ERCC5: variants seen among roughly 807,000 people sequenced by gnomAD.
The protein encoded by ERCC5 is ERCC excision repair 5, endonuclease.
ERCC5 carries 68 observed loss-of-function variants against 105.6 expected under a neutral mutation model. The ratio of observed to expected loss-of-function variants is 0.64; its 90% CI spans 0.53 to 0.79. The LOEUF (loss-of-function observed/expected upper bound fraction) is 0.79. Ranked by LOEUF, ERCC5 falls within the 30% of genes least tolerant of loss-of-function variation. The probability of loss-of-function intolerance (pLI) is 0.00; values close to 1 mark genes in which losing one functional copy is unlikely to be tolerated. For synonymous variants in ERCC5, 546 were observed against 526.2 expected (o/e 1.04, Z -0.51); for missense variants, 1,373 against 1,426.7 (o/e 0.96, Z 0.61).
intron 5 of ERCC5, among the ~76,000 whole-genome samples, chr13:102,857,066 A>G (rs1244364188): frequency 1.3e-5 from 2 of 152,228 alleles, no homozygotes; most frequent in Admixed American, 6.5e-5. Flanking sequence ...TGCTGTATAT[A>G]TACATTTTTT....
rs188710607 is a variant in ERCC5 at position 102,875,875 on chromosome 13, G to A, written c.3533G>A (p.Arg1178His). 2.1e-5 allele frequency: 34 copies of A among 1,610,680 alleles called. No homozygotes were observed. The East Asian group carries it at 3.3e-4, about 16-fold the overall frequency. The change falls in exon 15 of 15, where the codon CGT becomes CAT. Residue 1178 changes from arginine (R) to histidine (H), a missense_variant. This residue lies in a region of ERCC5 where 367 missense variants were observed against 350.2 expected (regional missense o/e 1.05). Coordinates refer to ENST00000652225, the MANE Select transcript of ERCC5 (RefSeq NM_000123.4). ...GGGAAGAAAAGAAGGAAACTAAGAC[G>A]TGCGAGGGGAAGAAAAAGGAAAACC... ...VFGKKRRKLR[R>H]ARGRKRKT
rs368550097 is a variant in ERCC5 at position 102,875,337 on chromosome 13, T to A, written c.2995T>A (p.Leu999Ile). The A allele has an allele frequency of 6.2e-7, 1 of 1,614,048 alleles. No homozygotes were observed. Among genetic ancestry groups the A allele is most frequent in the Non-Finnish European group, 8.5e-7 (1 of 1,180,012 alleles). ...TQLRIDSFFR[L>I]AQQEKEDAKR... ...GCTCCGAATTGATTCCTTCTTTAGATTAGCACAACAGGAGAAAGAAGATGC... is the reference window on the plus strand; with the variant it reads ...GCTCCGAATTGATTCCTTCTTTAGAATAGCACAACAGGAGAAAGAAGATGC... Residue 999 changes from leucine to isoleucine, a missense_variant, in exon 15 of 15, where the codon TTA becomes ATA. Coordinates refer to ENST00000652225, the MANE Select transcript of ERCC5 (RefSeq NM_000123.4).
chr13:102,852,384 T>C (rs948766531), intron 2 of ERCC5, 91 bp downstream of exon 2: 2 of 1,434,804 alleles, frequency 1.4e-6, no homozygotes, highest in Non-Finnish European at 1.9e-6. Flanking sequence ...GTTTTCTCTT[T>C]AGAATTTTAG....
intron 1 of ERCC5, chr13:102,849,067 A>G: frequency 2.0e-6 from 1 of 491,522 alleles, no homozygotes; most frequent in South Asian, 1.5e-5. Context: ...TAGTGGGCCA[A>G]GTAGAAACTA....
chr13:102,866,024 G>A, intron 9 of ERCC5, 113 bp downstream of exon 9: 1 of 1,593,648 alleles, frequency 6.3e-7, no homozygotes, highest in East Asian at 2.2e-5. Flanking sequence ...AGTACATCTT[G>A]TGGTTGCTGA....
In ERCC5 at chr13:102,862,091, G is replaced by T. The variant is rs1882642138; in HGVS notation, c.942G>T (p.Met314Ile). The change falls in exon 8 of 15, where the codon ATG becomes ATT. Residue 314 changes from methionine to isoleucine, a missense_variant. By Grantham distance (10) the Met-to-Ile change is conservative. Transcript: ENST00000652225. The stretch of plus-strand genomic sequence containing the variant: ...AGTCTCTTCCTTCTTCCAGCAAAAT[G>T]CACGGCATGTCTTTTGACGTGAAGT... ...DSESLPSSSK[M>I]HGMSFDVKSS... 6.2e-7 allele frequency: 1 copy of T among 1,614,054 alleles called. No homozygotes were observed. The highest frequency in any genetic ancestry group is 1.3e-5 in the African/African-American group (1 of 74,918).
Position 102,875,706 on chromosome 13 carries a change from C to T in ERCC5, c.3364C>T (p.Pro1122Ser), listed in dbSNP as rs765714657. Residue 1122 changes from proline (P) to serine (S), a missense_variant, in exon 15 of 15, where the codon CCA (proline) becomes TCA (serine). Pro to Ser is a moderately conservative substitution (Grantham distance 74, BLOSUM62 -1). Transcript: ENST00000652225. The stretch of plus-strand genomic sequence containing the variant: ...ACAAAGGAGAACAGCTGCGAAAGAG[C>T]CAAAAACCAGTGCTTCAGATTCGCA... ...NVQRRTAAKEPKTSASDSQNS... is the reference protein window; with the variant it reads ...NVQRRTAAKESKTSASDSQNS... The T allele has an allele frequency of 2.5e-6, 4 of 1,613,966 alleles. No homozygotes were observed. The East Asian group carries it at 8.9e-5, about 36-fold the overall frequency.
At position 102,853,788 on chromosome 13, in the gene ERCC5, C is replaced by G; in HGVS notation, c.296C>G (p.Ser99Cys). 1.2e-6 allele frequency: 2 copies of G among 1,614,152 alleles called. No individual in the cohort carries two copies. Among genetic ancestry groups the G allele is most frequent in the Non-Finnish European group, 1.7e-6 (2 of 1,180,022 alleles). ...AGAAGGCAGAGAAAGGACTTAGCGT[C>G]CAGTGACTCCAGGAAAACGACAGAG... ...VKRRQRKDLASSDSRKTTEKL... is the reference protein window; with the variant it reads ...VKRRQRKDLACSDSRKTTEKL... Residue 99 changes from serine to cysteine, a missense_variant, in exon 3 of 15, where the codon TCC (serine) becomes TGC (cysteine). Around this residue, in one of 3 missense-constraint regions of ERCC5, gnomAD observed 1,004 missense variants for 1,059.7 expected, o/e 0.95. Coordinates refer to ENST00000652225, the MANE Select transcript of ERCC5 (RefSeq NM_000123.4).
chr13:102,868,979 A>G (rs527823954), intron 12 of ERCC5, among the ~76,000 whole-genome samples: 1 of 152,232 alleles, frequency 6.6e-6, no homozygotes, highest in African/African-American at 2.4e-5. Flanking sequence ...TTTAAAGTGT[A>G]CAGTTCATTG....
At chr13:102,855,873 C>T (rs1882396503) in intron 4 of ERCC5, among the ~76,000 whole-genome samples, 179 bp from the exon 5 acceptor site, 1 of 152,126 alleles carries the variant, frequency 6.6e-6, no homozygotes, top group African/African-American at 2.4e-5. Flanking sequence ...GTTATTAGAT[C>T]CCACTCTAAT....
chr13:102,865,847 G>T lies in ERCC5; in HGVS notation c.2135G>T (p.Gly712Val). The change falls in exon 9 of 15, where the codon GGT becomes GTT. Residue 712 changes from glycine (G) to valine (V), a missense_variant. By Grantham distance (109) the Gly-to-Val change is moderately radical. Transcript: ENST00000652225. The surrounding 1 kb of genome is among the most constrained non-coding windows in gnomAD (Gnocchi z 4.0). ...RDNSERDDVD[G>V]EPQEAEKDAE... ...AACTCTGAGAGGGACGACGTGGATG[G>T]TGAGCCACAGGAAGCTGAGAAAGAT... 6.2e-7 allele frequency: 1 copy of T among 1,614,210 alleles called. No homozygotes were observed. The highest frequency in any genetic ancestry group is 8.5e-7 in the Non-Finnish European group (1 of 1,180,032).
chr13:102,850,429 A>G (rs982354305), intron 1 of ERCC5, among the ~76,000 whole-genome samples: 1 of 152,182 alleles, frequency 6.6e-6, no homozygotes, highest in Non-Finnish European at 1.5e-5. Flanking sequence ...AAAGCCCAGT[A>G]GCAGGAAGTG....
intron 5 of ERCC5, 76 bp downstream of exon 5, chr13:102,856,188 G>T: frequency 6.8e-7 from 1 of 1,475,308 alleles, no homozygotes; most frequent in East Asian, 2.3e-5. Flanking sequence ...TATTAATGAG[G>T]TATATCAAAC....
At position 102,866,369 on chromosome 13, in the gene ERCC5, C is replaced by A; in HGVS notation, c.2307C>A (p.Phe769Leu). ...CTGCTACTGTCACCGGACAGATGTT[C>A]CTGGAAAGCCAGGTGGGTGCAGGCA... is the stretch of plus-strand genomic sequence containing the variant. ...RIAATVTGQM[F>L]LESQELLRLF... Residue 769 changes from phenylalanine (F) to leucine (L), a missense_variant, in exon 10 of 15, where the codon TTC (phenylalanine) becomes TTA (leucine). Around this residue, in one of 3 missense-constraint regions of ERCC5, gnomAD observed 1,004 missense variants for 1,059.7 expected, o/e 0.95. Transcript: ENST00000652225. 1.2e-6 allele frequency: 2 copies of A among 1,614,130 alleles called. No homozygotes were observed. The highest frequency in any genetic ancestry group is 1.1e-5 in the South Asian group (1 of 91,078).
chr13:102,873,492 A>G, intron 14 of ERCC5, 149 bp downstream of exon 14: 1 of 925,440 alleles, frequency 1.1e-6, no homozygotes, highest in Non-Finnish European at 1.6e-6. Flanking sequence ...AGAAAATAGA[A>G]AAAGAAAAGT....
At position 102,875,029 on chromosome 13, in the gene ERCC5, C is replaced by T. The variant is rs35021017; in HGVS notation, c.2965-278C>T. ...TGTTTAGCTACAGAAAAATATTTAA[C>T]GCTCTTTGAATATCTTAGGAAGAGA... is the stretch of plus-strand genomic sequence containing the variant. On this transcript the variant is annotated intron_variant, in intron 14 of 14. Transcript: ENST00000652225. 3.7e-3 allele frequency among the ~76,000 whole-genome samples: 561 copies of T among 152,250 alleles called. 3 individuals are homozygous for T. The highest frequency in any genetic ancestry group is 6.3e-3 in the Non-Finnish European group (429 of 68,014).
At chr13:102,847,242 T>C (rs1372738928) in intron 1 of ERCC5, among the ~76,000 whole-genome samples, 2 of 152,210 alleles carry the variant, frequency 1.3e-5, no homozygotes, top group East Asian at 3.8e-4. Context: ...CTTTTTTCAT[T>C]AGCAAAACGT....
chr13:102,858,251 G>A, intron 5 of ERCC5, 24 bp from the exon 6 acceptor site: 1 of 1,613,882 alleles, frequency 6.2e-7, no homozygotes, highest in Non-Finnish European at 8.5e-7. Flanking sequence ...TAAATTTCAT[G>A]GTGCTGTGAT....
Position 102,865,570 on chromosome 13 carries a change from GT to G in ERCC5, c.1955-96del. On this transcript the variant is annotated intron_variant, in intron 8 of 14. Transcript: ENST00000652225. The surrounding 1 kb of genome is among the most constrained non-coding windows in gnomAD (Gnocchi z 4.0). ...TAGTCATATCTTTCCTTTTTAGGAT[GT>G]AGCATTTTTCAGGTTCCTCCAGAAA... 2 of 1,509,510 alleles carry G rather than the reference GT, an allele frequency of 1.3e-6. No individual in the cohort carries two copies. The highest frequency in any genetic ancestry group is 1.8e-6 in the Non-Finnish European group (2 of 1,107,114). 93.5% of individuals were successfully genotyped at this position (1,509,510 alleles called of 1,614,324 possible).
Sources: allele counts gnomAD v4.1 joint callset (sites outside exome capture counted in the v4.1 genomes callset), GRCh38; gene constraint gnomAD v4.1.1; regional missense constraint gnomAD v4.1.1; non-coding constraint Gnocchi (gnomAD v3.1); transcripts MANE v1.5; gene names NCBI Gene and HGNC (gene_info 2026-07-23, HGNC 2026-07-21).